The following C14orf39 variants were observed in gnomAD, a reference collection of about 807,000 sequenced individuals.
C14orf39 encodes the protein protein SIX6OS1.
In C14orf39, 66 loss-of-function variants were observed where a neutral mutation model predicts 85.6. The ratio of observed to expected loss-of-function variants is 0.77; its 90% confidence interval spans 0.63 to 0.95. The LOEUF (loss-of-function observed/expected upper bound fraction) is 0.95. Among genes scored for constraint, C14orf39 ranks in the 40% least tolerant of loss-of-function variants. The pLI, the probability that C14orf39 is intolerant of heterozygous loss-of-function variation, is 0.00. For synonymous variants in C14orf39, 242 were observed against 214.0 expected (o/e 1.13, Z -1.14); for missense variants, 735 against 663.9 (o/e 1.11, Z -1.18).
chr14:60,468,581 A>G, intron 8 of C14orf39, 45 bp from the exon 9 acceptor site: 1 of 1,152,588 alleles, frequency 8.7e-7, no homozygotes, highest in Middle Eastern at 2.0e-4. Context: ...TTACTTGCAA[A>G]GCAGTAAAAA....
chr14:60,478,894 A>G (rs949491949), intron 4 of C14orf39, among the ~76,000 whole-genome samples: 4 of 151,714 alleles, frequency 2.6e-5, no homozygotes, highest in Admixed American at 2.0e-4. Context: ...GAATTACAAA[A>G]TCAGACAATA....
intron 17 of C14orf39, among the ~76,000 whole-genome samples, chr14:60,439,390 C>T (rs1226155465): frequency 6.6e-6 from 1 of 151,788 alleles, no homozygotes; most frequent in Non-Finnish European, 1.5e-5. Context: ...TTGTAACAGT[C>T]CAGGTGAACA....
In C14orf39 at chr14:60,466,974, C is replaced by T; in HGVS notation, c.838G>A (p.Glu280Lys). 6.9e-7 allele frequency: 1 copy of T among 1,458,970 alleles called. No individual in the cohort carries two copies. Among genetic ancestry groups the T allele is most frequent in the Non-Finnish European group, 9.1e-7 (1 of 1,100,676 alleles). The allele number at this position is 1,458,970 out of a possible 1,614,324, so 90.4% of individuals were successfully genotyped here. A position where few individuals can be genotyped will look rare whatever the true frequency, so the allele number is the denominator to read the frequency against. Residue 280 changes from glutamate (E) to lysine (K), a missense_variant, in exon 10 of 18, where the codon GAA becomes AAA. Glu to Lys is a moderately conservative substitution (Grantham distance 56, BLOSUM62 1). Transcript: ENST00000321731. ...TQSSQLFLPYESQKLVRPIKM... is the reference protein window; with the variant it reads ...TQSSQLFLPYKSQKLVRPIKM... The stretch of plus-strand genomic sequence containing the variant: ...ATTGGTCTTACTAATTTCTGAGATT[C>T]ATAAGGAAGAAATAATTGACTGCTT...
At chr14:60,473,117 T>A (rs1030091861) in intron 5 of C14orf39, among the ~76,000 whole-genome samples, 1 of 152,228 alleles carries the variant, frequency 6.6e-6, no homozygotes, top group Non-Finnish European at 1.5e-5. Flanking sequence ...TGAGATGGTA[T>A]CTCATTGTAA....
In C14orf39 at chr14:60,439,374, A is replaced by G. The variant is rs527445443; in HGVS notation, c.1562-2327T>C. 3.9e-5 allele frequency among the ~76,000 whole-genome samples: 6 copies of G among 152,338 alleles called. No homozygotes were observed. The East Asian group carries it at 9.6e-4, about 24-fold the overall frequency. ...TGAAAAATGGAAAACACCAATTAGG[A>G]TGATATTGTAACAGTCCAGGTGAAC... On this transcript the variant is annotated intron_variant, in intron 17 of 17. Transcript: ENST00000321731.
chr14:60,492,682 C>T (rs10873122), intron 2 of C14orf39, among the ~76,000 whole-genome samples: 122,386 of 151,932 alleles, frequency 0.81, 51,056 homozygotes, highest in Non-Finnish European at 0.91. Context: ...ACTCAAGAGG[C>T]TGACGCAGGA....
chr14:60,515,523 T>C lies in C14orf39; in HGVS notation c.-272A>G, dbSNP rs943491687. ...ACCGGGGGACCGAGACGGGGTTCAA[T>C]TTAAACCTAGGTGGGAGAATGAGCC... On this transcript the variant is annotated 5_prime_UTR_variant, in exon 1 of 6. Coordinates refer to the C14orf39 transcript ENST00000556799. The surrounding 1 kb of genome is among the most constrained non-coding windows in gnomAD (Gnocchi z 6.2). 12 of 151,374 alleles carry C rather than the reference T, an allele frequency of 7.9e-5. No individual in the cohort carries two copies. The highest frequency in any genetic ancestry group is 7.2e-4 in the Admixed American group (11 of 15,268). The allele number at this position is 151,374 out of a possible 1,614,324, so 9.4% of individuals were successfully genotyped here.
intron 2 of C14orf39, among the ~76,000 whole-genome samples, chr14:60,497,992 C>T (rs947779237): frequency 7.2e-5 from 11 of 152,248 alleles, no homozygotes; most frequent in African/African-American, 2.6e-4. Flanking sequence ...GCTACAGTGT[C>T]CTGGTAAATA....
intron 4 of C14orf39, 94 bp from the exon 5 acceptor site, chr14:60,478,483 AC>A: frequency 1.6e-6 from 1 of 642,782 alleles, no homozygotes; most frequent in Non-Finnish European, 2.4e-6. Flanking sequence ...TTAAAGAGAA[AC>A]GAATCTTTCT....
chr14:60,465,509 G>C (rs944377844), intron 11 of C14orf39, among the ~76,000 whole-genome samples: 1 of 152,036 alleles, frequency 6.6e-6, no homozygotes, highest in East Asian at 1.9e-4. Context: ...AGATACAGTG[G>C]ATATAAGATG....
At chr14:60,456,024 C>T (rs1891258715) in intron 15 of C14orf39, among the ~76,000 whole-genome samples, 1 of 152,032 alleles carries the variant, frequency 6.6e-6, no homozygotes, top group South Asian at 2.1e-4. Context: ...TGATGAGTTC[C>T]ATTTCGAATG....
chr14:60,500,318 C>T (rs2208403), intron 1 of C14orf39, among the ~76,000 whole-genome samples: 26,509 of 152,148 alleles, frequency 0.17, 3,011 homozygotes, highest in East Asian at 0.54. Flanking sequence ...TCAGCCACCA[C>T]GCCTGGCTGG....
At chr14:60,479,409 G>T (rs1397970346) in intron 4 of C14orf39, among the ~76,000 whole-genome samples, 1 of 152,094 alleles carries the variant, frequency 6.6e-6, no homozygotes, top group Non-Finnish European at 1.5e-5. Flanking sequence ...ACTAGTAGAG[G>T]GGGAAGAGGT....
At chr14:60,501,292 C>CAAGA (rs1274480347) in intron 1 of C14orf39, among the ~76,000 whole-genome samples, 3 of 103,358 alleles carry the variant, frequency 2.9e-5, no homozygotes, top group Admixed American at 1.5e-4. Context: ...GGCAACAGAG[C>CAAGA]AAGACCCTGT....
intron 16 of C14orf39, among the ~76,000 whole-genome samples, chr14:60,450,156 A>T (rs1044845426): frequency 5.3e-5 from 8 of 152,212 alleles, no homozygotes; most frequent in African/African-American, 1.7e-4. Context: ...GGAAAAAGTA[A>T]AGGGCATTTT....
At chr14:60,488,866 TC>T (rs1259808245), upstream of C14orf39, among the ~76,000 whole-genome samples, 3 of 152,090 alleles carry the variant, frequency 2.0e-5, no homozygotes, top group Admixed American at 2.0e-4. Context: ...CATACTTGGT[TC>T]CATTTAAACT....
chr14:60,436,756 A>T lies in C14orf39; in HGVS notation c.*89T>A. The T allele has an allele frequency of 1.3e-6, 1 of 798,612 alleles. No individual in the cohort carries two copies. The highest frequency in any genetic ancestry group is 2.0e-6 in the Non-Finnish European group (1 of 488,820). 49.5% of individuals were successfully genotyped at this position (798,612 alleles called of 1,614,324 possible). A position where few individuals can be genotyped will look rare whatever the true frequency, so the allele number is the denominator to read the frequency against. On this transcript the variant is annotated 3_prime_UTR_variant, in exon 18 of 18. Coordinates refer to ENST00000321731, the MANE Select transcript of C14orf39 (RefSeq NM_174978.3). ...ACATTACTGCTTTAATCAATAAAAG[A>T]AAGCAGTCTTCATGTTTTAAGCAAT...
At chr14:60,455,191 C>T (rs779435390) in intron 15 of C14orf39, 46 bp from the exon 16 acceptor site, 8 of 1,352,948 alleles carry the variant, frequency 5.9e-6, no homozygotes, top group Non-Finnish European at 7.1e-6. Flanking sequence ...TATTATTAAA[C>T]ACTGAATACT....
intron 7 of C14orf39, among the ~76,000 whole-genome samples, chr14:60,469,983 A>G (rs184230585): frequency 5.8e-5 from 8 of 138,436 alleles, no homozygotes; most frequent in African/African-American, 1.8e-4. Flanking sequence ...GTCACTTGGC[A>G]TAACTAATAA....
Sources: allele counts gnomAD v4.1 joint callset (sites outside exome capture counted in the v4.1 genomes callset), GRCh38; gene constraint gnomAD v4.1.1; non-coding constraint Gnocchi (gnomAD v3.1); transcripts MANE v1.5; gene names NCBI Gene and HGNC (gene_info 2026-07-23, HGNC 2026-07-21).